Variants in NAP1L3 observed in about 807,000 individuals in gnomAD.
NAP1L3 encodes the protein nucleosome assembly protein 1-like 3.
For synonymous variants in NAP1L3, 127 were observed against 131.9 expected, an observed-to-expected ratio of 0.96 and a Z score of 0.25; for missense variants, 378 against 369.9, an observed-to-expected ratio of 1.02 and a Z score of -0.18.
chrX:93,671,064 T>C lies in NAP1L3; in HGVS notation c.*720A>G, dbSNP rs1420465387. The C allele has an allele frequency of 8.9e-6, 1 of 112,193 alleles. No homozygotes were observed. Among genetic ancestry groups the C allele is most frequent in the African/African-American group, 3.2e-5 (1 of 30,831 alleles). 9.2% of individuals were successfully genotyped at this position (112,193 alleles called of 1,213,427 possible). ...CACAATACAAAGAAAACACGGTATC[T>C]TTAGTTTACAATTACACAATATAAG... is the stretch of plus-strand genomic sequence containing the variant. On this transcript the variant is annotated 3_prime_UTR_variant, in exon 1 of 1. Coordinates refer to ENST00000373079, the MANE Select transcript of NAP1L3 (RefSeq NM_004538.6).
chrX:93,673,547 C>A lies in NAP1L3; in HGVS notation c.-243G>T, dbSNP rs1356536220. ...GCCTCTCCCGGCTGCAGCTAGAGTG[C>A]CGAGATGTACCGCAGCCGAATGGCG... On this transcript the variant is annotated 5_prime_UTR_variant, in exon 1 of 1. Transcript: ENST00000373079. The A allele has an allele frequency of 7.5e-6, 3 of 397,375 alleles. No individual in the cohort carries two copies. The African/African-American group carries it at 7.9e-5, about 10-fold the overall frequency. The allele number at this position is 397,375 out of a possible 1,213,427, so 32.7% of individuals were successfully genotyped here.
Position 93,672,861 on chromosome X carries a change from A to C in NAP1L3, c.444T>G (p.Phe148Leu). The change falls in exon 1 of 1, where the codon TTT becomes TTG. Residue 148 changes from phenylalanine (F) to leucine (L), a missense_variant. Coordinates refer to ENST00000373079, the MANE Select transcript of NAP1L3 (RefSeq NM_004538.6). Reference protein sequence around the residue: ...ELNKPLYDRRFQIINAEYEPT... With the variant: ...ELNKPLYDRRLQIINAEYEPT... Reference sequence around the variant, plus strand: ...GCTCGTATTCTGCATTGATGATTTGAAACCGCCTATCATACAGAGGCTTGT... The same window carrying C: ...GCTCGTATTCTGCATTGATGATTTGCAACCGCCTATCATACAGAGGCTTGT... 1.7e-6 allele frequency: 2 copies of C among 1,211,413 alleles called. No homozygotes were observed. Among genetic ancestry groups the C allele is most frequent in the Non-Finnish European group, 2.2e-6 (2 of 895,443 alleles).
chrX:93,673,390 G>C lies in NAP1L3; in HGVS notation c.-86C>G. ...TCACGGATGCTTGAGTGGCGGCGGC[G>C]GAGGCCCGGGCTGCGGAGGTGGCAG... On this transcript the variant is annotated 5_prime_UTR_variant, in exon 1 of 1. Coordinates refer to ENST00000373079, the MANE Select transcript of NAP1L3 (RefSeq NM_004538.6). The C allele has an allele frequency of 3.6e-6, 4 of 1,124,328 alleles. No individual in the cohort carries two copies. The highest frequency in any genetic ancestry group is 4.7e-6 in the Non-Finnish European group (4 of 852,518). The allele number at this position is 1,124,328 out of a possible 1,213,427, so 92.7% of individuals were successfully genotyped here. A position where few individuals can be genotyped will look rare whatever the true frequency, so the allele number is the denominator to read the frequency against.
At position 93,671,764 on chromosome X, in the gene NAP1L3, G is replaced by C. The variant is rs759016177; in HGVS notation, c.*20C>G. 5.1e-6 allele frequency: 6 copies of C among 1,170,249 alleles called. No homozygotes were observed. Among genetic ancestry groups the C allele is most frequent in the Non-Finnish European group, 6.8e-6 (6 of 877,116 alleles). On this transcript the variant is annotated 3_prime_UTR_variant, in exon 1 of 1. Transcript: ENST00000373079. ...CACTTCTTGAGATTTTAAGATTCTT[G>C]AAAAATCTTTCAGATTGACTTATTT...
In NAP1L3 at chrX:93,672,611, C is replaced by T; in HGVS notation, c.694G>A (p.Ala232Thr). ...TCTTTAGAATCTGCTTTTTCTTCAG[C>T]CTTTACCTCAGGAATTTCTTTAGGA... ...EVPKEIPEVK[A>T]EEKADSKDCM... Residue 232 changes from alanine to threonine, a missense_variant, in exon 1 of 1, where the codon GCT becomes ACT. Coordinates refer to ENST00000373079, the MANE Select transcript of NAP1L3 (RefSeq NM_004538.6). 1 of 1,211,423 alleles carries T rather than the reference C, an allele frequency of 8.3e-7. No individual in the cohort carries two copies. Among genetic ancestry groups the T allele is most frequent in the South Asian group, 1.8e-5 (1 of 56,987 alleles).
At position 93,673,530 on chromosome X, in the gene NAP1L3, C is replaced by G; in HGVS notation, c.-226G>C. 1 of 468,085 alleles carries G rather than the reference C, an allele frequency of 2.1e-6. No individual in the cohort carries two copies. The highest frequency in any genetic ancestry group is 5.1e-5 in the South Asian group (1 of 19,768). 38.6% of individuals were successfully genotyped at this position (468,085 alleles called of 1,213,427 possible). ...ACAGCGGTGGCGGCAAGGCCTCTCC[C>G]GGCTGCAGCTAGAGTGCCGAGATGT... On this transcript the variant is annotated 5_prime_UTR_variant, in exon 1 of 1. Coordinates refer to ENST00000373079, the MANE Select transcript of NAP1L3 (RefSeq NM_004538.6).
At position 93,672,654 on chromosome X, in the gene NAP1L3, C is replaced by T. The variant is rs1232072269; in HGVS notation, c.651G>A (p.Lys217=). The change falls in exon 1 of 1, where the codon AAG becomes AAA. Residue 217 remains lysine (K), a synonymous_variant. Coordinates refer to ENST00000373079, the MANE Select transcript of NAP1L3 (RefSeq NM_004538.6). ...KEVPKEIPEV[K]DEEKEVPKEI... is the part of the protein sequence containing the mutation. ...CTTTAGGAACTTCCTTTTCTTCATCCTTCACCTCAGGAATTTCTTTAGGAA... is the reference window on the plus strand; with the variant it reads ...CTTTAGGAACTTCCTTTTCTTCATCTTTCACCTCAGGAATTTCTTTAGGAA... 1 of 1,211,021 alleles carries T rather than the reference C, an allele frequency of 8.3e-7. No homozygotes were observed. The highest frequency in any genetic ancestry group is 1.1e-6 in the Non-Finnish European group (1 of 895,387).
rs370419690 is a variant in NAP1L3 at position 93,671,736 on chromosome X, C to T, written c.*48G>A. On this transcript the variant is annotated 3_prime_UTR_variant, in exon 1 of 1. Coordinates refer to ENST00000373079, the MANE Select transcript of NAP1L3 (RefSeq NM_004538.6). ...CTTTTTTCAAGGCTGTATGAATCTG[C>T]TTCACTTCTTGAGATTTTAAGATTC... 1.2e-5 allele frequency: 14 copies of T among 1,142,779 alleles called. No homozygotes were observed. Among genetic ancestry groups the T allele is most frequent in the Non-Finnish European group, 1.4e-5 (12 of 863,276 alleles). 94.2% of individuals were successfully genotyped at this position (1,142,779 alleles called of 1,213,427 possible).
In NAP1L3 at chrX:93,673,349, A is replaced by G. The variant is rs1342914495; in HGVS notation, c.-45T>C. ...TACCAGGGAGACCGCGCGACCAGAG[A>G]TGGGCAGAAAATGACTCACGGATGC... On this transcript the variant is annotated 5_prime_UTR_variant, in exon 1 of 1. Transcript: ENST00000373079. 1.0e-5 allele frequency: 12 copies of G among 1,143,493 alleles called. No homozygotes were observed. Among genetic ancestry groups the G allele is most frequent in the Non-Finnish European group, 1.4e-5 (12 of 862,938 alleles). 94.2% of individuals were successfully genotyped at this position (1,143,493 alleles called of 1,213,427 possible).
At position 93,672,391 on chromosome X, in the gene NAP1L3, C is replaced by T; in HGVS notation, c.914G>A (p.Arg305Lys). 8.3e-7 allele frequency: 1 copy of T among 1,211,170 alleles called. No homozygotes were observed. Among genetic ancestry groups the T allele is most frequent in the Non-Finnish European group, 1.1e-6 (1 of 895,357 alleles). Residue 305 changes from arginine to lysine, a missense_variant, in exon 1 of 1, where the codon AGA becomes AAA. By Grantham distance (26) the Arg-to-Lys change is conservative. Coordinates refer to ENST00000373079, the MANE Select transcript of NAP1L3 (RefSeq NM_004538.6). ...GTCAGGAATGCCTTTAGGGTCTTCT[C>T]TTTTAGGCTTTCCCTTCCTAGCTCT... ...LKRARKGKPKREDPKGIPDYW... is the reference protein window; with the variant it reads ...LKRARKGKPKKEDPKGIPDYW...
rs1261355988 is a variant in NAP1L3 at position 93,671,722 on chromosome X, G to T, written c.*62C>A. The T allele has an allele frequency of 8.9e-7, 1 of 1,121,309 alleles. No homozygotes were observed. The highest frequency in any genetic ancestry group is 1.9e-5 in the African/African-American group (1 of 54,053). 92.4% of individuals were successfully genotyped at this position (1,121,309 alleles called of 1,213,427 possible). On this transcript the variant is annotated 3_prime_UTR_variant, in exon 1 of 1. Coordinates refer to ENST00000373079, the MANE Select transcript of NAP1L3 (RefSeq NM_004538.6). ...AGGTCAGGGTTTTACTTTTTTCAAG[G>T]CTGTATGAATCTGCTTCACTTCTTG...
In NAP1L3 at chrX:93,672,998, C is replaced by T. The variant is rs368668405; in HGVS notation, c.307G>A (p.Ala103Thr). Residue 103 changes from alanine (A) to threonine (T), a missense_variant, in exon 1 of 1, where the codon GCA (alanine) becomes ACA (threonine). By Grantham distance (58) the Ala-to-Thr change is moderately conservative (BLOSUM62 0). Transcript: ENST00000373079. ...GTNFVDRLPQ[A>T]VRNRVQALRN... ...AGCGCTTGCACACGATTTCTAACTG[C>T]CTGAGGCAGCCTATCCACGAAATTT... 8.3e-6 allele frequency: 10 copies of T among 1,209,977 alleles called. No homozygotes were observed. The highest frequency in any genetic ancestry group is 1.8e-5 in the South Asian group (1 of 56,773).
chrX:93,673,085 AGCGGCT>A lies in NAP1L3; in HGVS notation c.214_219del (p.Ser72_Arg73del). 8.3e-7 allele frequency: 1 copy of A among 1,208,661 alleles called. No homozygotes were observed. The highest frequency in any genetic ancestry group is 1.1e-6 in the Non-Finnish European group (1 of 894,490). ...TCAGGTACCCTCTTCTTTCTATACA[AGCGGCT>A]GCGGCTGCTAGTGCTGCCGCTGCTG... On this transcript the variant is annotated inframe_deletion, in exon 1 of 1. Transcript: ENST00000373079.
Position 93,673,406 on chromosome X carries a change from G to T in NAP1L3, c.-102C>A. On this transcript the variant is annotated 5_prime_UTR_variant, in exon 1 of 1. Transcript: ENST00000373079. Reference sequence around the variant, plus strand: ...GGCGGCGGCGGAGGCCCGGGCTGCGGAGGTGGCAGCGGCGATGGCAGCAGC... The same window carrying T: ...GGCGGCGGCGGAGGCCCGGGCTGCGTAGGTGGCAGCGGCGATGGCAGCAGC... 1 of 1,105,230 alleles carries T rather than the reference G, an allele frequency of 9.0e-7. No homozygotes were observed. The highest frequency in any genetic ancestry group is 1.2e-6 in the Non-Finnish European group (1 of 839,433). The allele number at this position is 1,105,230 out of a possible 1,213,427, so 91.1% of individuals were successfully genotyped here. A position where few individuals can be genotyped will look rare whatever the true frequency, so the allele number is the denominator to read the frequency against.
chrX:93,672,738 C>A lies in NAP1L3; in HGVS notation c.567G>T (p.Glu189Asp). 8.3e-7 allele frequency: 1 copy of A among 1,210,957 alleles called. No homozygotes were observed. The highest frequency in any genetic ancestry group is 1.1e-6 in the Non-Finnish European group (1 of 895,316). Residue 189 changes from glutamate (E) to aspartate (D), a missense_variant, in exon 1 of 1, where the codon GAG becomes GAT. By Grantham distance (45) the Glu-to-Asp change is conservative (BLOSUM62 2). Transcript: ENST00000373079. ...DNTPSEMPPL[E>D]GEEEENPKEN... ...CTTTAGGGTTTTCTTCTTCCTCACC[C>A]TCTAAGGGAGGCATTTCACTAGGGG...
rs770174297 is a variant in NAP1L3, at chrX:93,672,870, A to T, written c.435T>A (p.Asp145Glu). ...CTGCATTGATGATTTGAAACCGCCT[A>T]TCATACAGAGGCTTGTTGAGTTCAG... ...KYAELNKPLY[D>E]RRFQIINAEY... is the part of the protein sequence containing the mutation. The change falls in exon 1 of 1, where the codon GAT (aspartate) becomes GAA (glutamate). Residue 145 changes from aspartate (D) to glutamate (E), a missense_variant. Physicochemically the swap from Asp to Glu is conservative, Grantham distance 45 (BLOSUM62 2). Transcript: ENST00000373079. The T allele has an allele frequency of 2.5e-6, 3 of 1,211,541 alleles. No homozygotes were observed. The East Asian group carries it at 8.9e-5, about 36-fold the overall frequency.
chrX:93,672,174 A>G lies in NAP1L3; in HGVS notation c.1131T>C (p.Tyr377=), dbSNP rs1924379108. 9.9e-6 allele frequency: 12 copies of G among 1,209,635 alleles called. No homozygotes were observed. In the Middle Eastern group the frequency reaches 1.6e-3, roughly 161 times the overall value. Residue 377 remains tyrosine (Y), a synonymous_variant, in exon 1 of 1, where the codon TAT becomes TAC. Transcript: ENST00000373079. The stretch of plus-strand genomic sequence containing the variant: ...TGTGATCTGGTTTTGCCTTTATTAT[A>G]TATGTCTTCACCAGCACCTCATTTC... The part of the protein sequence containing the change: ...YFRNEVLVKT[Y]IIKAKPDHND...
At position 93,672,538 on chromosome X, in the gene NAP1L3, G is replaced by A; in HGVS notation, c.767C>T (p.Pro256Leu). 2 of 1,209,157 alleles carry A rather than the reference G, an allele frequency of 1.7e-6. No homozygotes were observed. Among genetic ancestry groups the A allele is most frequent in the Non-Finnish European group, 1.1e-6 (1 of 895,065 alleles). The change falls in exon 1 of 1, where the codon CCC becomes CTC. Residue 256 changes from proline to leucine, a missense_variant. Transcript: ENST00000373079. ...TTCTTTATCATCTGCCTTTACCTGG[G>A]GGACTTCTTTAGGATCTTCTTTTAC... ...PEVKEDPKEV[P>L]QVKADDKEQP...
rs180972488 is a variant in NAP1L3 at position 93,672,533 on chromosome X, C to A, written c.772G>T (p.Val258Leu). 5.0e-5 allele frequency: 60 copies of A among 1,209,499 alleles called. No individual in the cohort carries two copies. In the Admixed American group the frequency reaches 8.7e-4, roughly 18 times the overall value. Residue 258 changes from valine to leucine, a missense_variant, in exon 1 of 1, where the codon GTA (valine) becomes TTA (leucine). Physicochemically the swap from Val to Leu is conservative, Grantham distance 32. Coordinates refer to ENST00000373079, the MANE Select transcript of NAP1L3 (RefSeq NM_004538.6). ...GGCTGTTCTTTATCATCTGCCTTTA[C>A]CTGGGGGACTTCTTTAGGATCTTCT... ...VKEDPKEVPQVKADDKEQPKA... is the reference protein window; with the variant it reads ...VKEDPKEVPQLKADDKEQPKA...
Sources: allele counts gnomAD v4.1 joint callset, GRCh38; gene constraint gnomAD v4.1.1; transcripts MANE v1.5; gene names NCBI Gene and HGNC (gene_info 2026-07-23, HGNC 2026-07-21).